KIAA1217: variants seen among roughly 807,000 people sequenced by gnomAD.
KIAA1217 encodes the protein KIAA1217.
KIAA1217 carries 88 observed loss-of-function variants against 163.9 expected under a neutral mutation model. The ratio of observed to expected loss-of-function variants is 0.54; its 90% CI spans 0.45 to 0.64. KIAA1217 has a LOEUF of 0.64. Ranked by LOEUF, KIAA1217 falls within the 30% of genes least tolerant of loss-of-function variation. KIAA1217 has a pLI of 0.00. For missense variants in KIAA1217, 2,372 were observed against 2,475.0 expected, an observed-to-expected ratio of 0.96 and a Z score of 0.88; for synonymous variants, 903 against 923.1, an observed-to-expected ratio of 0.98 and a Z score of 0.39.
At chr10:24,467,796 A>ATGTGTATGTGTGTGTGTATGTGTGTG (rs1564734076) in intron 5 of KIAA1217, among the ~76,000 whole-genome samples, 58 of 141,406 alleles carry the variant, frequency 4.1e-4, no homozygotes, top group Middle Eastern at 3.6e-3. Context: ...GTATGTGTGT[A>ATGTGTATGTGTGTGTGTATGTGTGTG]TGTGTATGTG....
chr10:23,811,521 T>G (rs749976644), intron 1 of KIAA1217, among the ~76,000 whole-genome samples: 3 of 151,928 alleles, frequency 2.0e-5, no homozygotes, highest in Non-Finnish European at 4.4e-5. Context: ...TTTTCTTTAG[T>G]CAAGTGTATT....
chr10:23,886,610 G>A (rs551165384), intron 1 of KIAA1217, among the ~76,000 whole-genome samples: 12 of 152,076 alleles, frequency 7.9e-5, no homozygotes, highest in South Asian at 2.1e-4. Flanking sequence ...TGAAAACCCA[G>A]CAACTGACTT....
At chr10:24,137,653 G>A (rs1564743411) in intron 2 of KIAA1217, among the ~76,000 whole-genome samples, 1 of 152,172 alleles carries the variant, frequency 6.6e-6, no homozygotes, top group Non-Finnish European at 1.5e-5. Flanking sequence ...CATGCCATTT[G>A]TAACTCTGCT....
intron 1 of KIAA1217, among the ~76,000 whole-genome samples, chr10:23,765,281 C>T (rs1401379608): frequency 2.1e-5 from 3 of 146,256 alleles, no homozygotes; most frequent in Non-Finnish European, 3.0e-5. Context: ...TGCAAGCTCC[C>T]GGGTTCACGC....
At chr10:23,754,068 T>G (rs1328556170) in intron 1 of KIAA1217, among the ~76,000 whole-genome samples, 2 of 152,218 alleles carry the variant, frequency 1.3e-5, no homozygotes, top group African/African-American at 4.8e-5. Context: ...ATTTAATGAC[T>G]GACCTTTCTG....
chr10:24,212,814 G>A (rs1339040605), intron 1 of KIAA1217, among the ~76,000 whole-genome samples: 1 of 152,040 alleles, frequency 6.6e-6, no homozygotes, highest in African/African-American at 2.4e-5. Context: ...ATTTATTCAC[G>A]TTTGCATTTC....
intron 11 of KIAA1217, among the ~76,000 whole-genome samples, chr10:24,520,649 AAAATATATATAT>A (rs1179209096): frequency 4.4e-5 from 3 of 67,764 alleles, no homozygotes; most frequent in Non-Finnish European, 7.5e-5. Context: ...AAAAAAAAAA[AAAATATATATAT>A]ATATATATAT....
In KIAA1217 at chr10:24,300,511, C is replaced by G. The variant is rs113468585; in HGVS notation, c.355-80358C>G. 2.1e-3 allele frequency among the ~76,000 whole-genome samples: 314 copies of G among 152,298 alleles called. 2 individuals are homozygous for G. Among genetic ancestry groups the G allele is most frequent in the African/African-American group, 7.4e-3 (306 of 41,570 alleles). Reference sequence around the variant, plus strand: ...GTTTCTACTATGAAAGCCCCTCTCTCTGCATTTCCTGCATGGTTTCCTTAC... The same window carrying G: ...GTTTCTACTATGAAAGCCCCTCTCTGTGCATTTCCTGCATGGTTTCCTTAC... On this transcript the variant is annotated intron_variant, in intron 2 of 20. Transcript: ENST00000376454.
At chr10:23,992,961 G>T (rs1846283308) in intron 1 of KIAA1217, among the ~76,000 whole-genome samples, 1 of 150,328 alleles carries the variant, frequency 6.7e-6, no homozygotes, top group Non-Finnish European at 1.5e-5. Flanking sequence ...CTTTTTCTTT[G>T]CTTATATGTC....
intron 2 of KIAA1217, among the ~76,000 whole-genome samples, chr10:24,263,053 G>T (rs1169097364): frequency 6.6e-6 from 1 of 152,138 alleles, no homozygotes; most frequent in Non-Finnish European, 1.5e-5. Flanking sequence ...AGACTTCTAT[G>T]TGTGTCTCAT....
chr10:23,774,383 A>G (rs1041355000), intron 1 of KIAA1217, among the ~76,000 whole-genome samples: 2 of 152,158 alleles, frequency 1.3e-5, no homozygotes, highest in African/African-American at 4.8e-5. Flanking sequence ...AGGTACCCCC[A>G]TCCTAGGTCC....
intron 2 of KIAA1217, among the ~76,000 whole-genome samples, chr10:24,065,342 G>C (rs1004244983): frequency 6.6e-6 from 1 of 152,076 alleles, no homozygotes; most frequent in South Asian, 2.1e-4. Context: ...GGTATGTTGT[G>C]TCTTTGTTCT....
At position 24,465,748 on chromosome 10, in the gene KIAA1217, C is replaced by T. The variant is rs1040110897; in HGVS notation, c.847-7480C>T. ...CACAAGTCACTTCGTGTTGTGGACA[C>T]GCACCTTCTTGTACCTGTTCCCCTG... On this transcript the variant is annotated intron_variant, in intron 5 of 20. Transcript: ENST00000376454. Among the ~76,000 whole-genome samples the T allele has an allele frequency of 4.6e-5, 7 of 152,182 alleles. No homozygotes were observed. The East Asian group carries it at 7.7e-4, about 17-fold the overall frequency.
intron 2 of KIAA1217, among the ~76,000 whole-genome samples, chr10:24,192,354 C>A (rs935788338): frequency 6.6e-6 from 1 of 152,174 alleles, no homozygotes; most frequent in African/African-American, 2.4e-5. Context: ...GTCTTGCCAC[C>A]TGCTTCAGTG....
chr10:23,923,068 T>C (rs1417517948), intron 1 of KIAA1217, among the ~76,000 whole-genome samples: 5 of 152,124 alleles, frequency 3.3e-5, no homozygotes, highest in Admixed American at 2.6e-4. Context: ...CTGTACCCAA[T>C]ATGTAGTCTT....
chr10:24,433,445 A>T (rs2059762438), intron 4 of KIAA1217, among the ~76,000 whole-genome samples: 1 of 151,786 alleles, frequency 6.6e-6, no homozygotes, highest in Admixed American at 6.6e-5. Flanking sequence ...GGCTTATTTC[A>T]CCCAGTCAGA....
At chr10:23,702,805 C>G (rs1836559701) in intron 1 of KIAA1217, among the ~76,000 whole-genome samples, 1 of 151,952 alleles carries the variant, frequency 6.6e-6, no homozygotes, top group Non-Finnish European at 1.5e-5. Context: ...TTATTTGCTA[C>G]TTAAAAATTA....
chr10:24,069,506 A>T (rs979900436), intron 2 of KIAA1217, among the ~76,000 whole-genome samples: 1 of 152,186 alleles, frequency 6.6e-6, no homozygotes, highest in Non-Finnish European at 1.5e-5. Context: ...GAAAAGTTGA[A>T]ATATTGGATG....
intron 2 of KIAA1217, among the ~76,000 whole-genome samples, chr10:24,171,678 C>T (rs1207842650): frequency 6.6e-6 from 1 of 151,842 alleles, no homozygotes; most frequent in South Asian, 2.1e-4. Flanking sequence ...GTGGTGCATA[C>T]CAGGAGGATG....
Sources: allele counts gnomAD v4.1 joint callset (sites outside exome capture counted in the v4.1 genomes callset), GRCh38; gene constraint gnomAD v4.1.1; transcripts MANE v1.5; gene names NCBI Gene and HGNC (gene_info 2026-07-23, HGNC 2026-07-21).